DUOXA1: variants seen among roughly 807,000 people sequenced by gnomAD.
DUOXA1 encodes the protein dual oxidase activator 1.
A neutral mutation model predicts 26.6 loss-of-function variants in DUOXA1; 19 were observed. The ratio of observed to expected loss-of-function variants is 0.71; its 90% CI spans 0.50 to 1.05. The LOEUF (loss-of-function observed/expected upper bound fraction) is 1.05. DUOXA1 is among the 50% of genes least tolerant of loss of function. The pLI, the probability that DUOXA1 is intolerant of heterozygous loss-of-function variation, is 0.00. For synonymous variants in DUOXA1, 166 were observed against 177.0 expected, an observed-to-expected ratio of 0.94 and a Z score of 0.49; for missense variants, 403 against 427.5, an observed-to-expected ratio of 0.94 and a Z score of 0.51.
rs1000747176 is a variant in DUOXA1, at chr15:45,120,505, C to A, written c.554+87G>T. ...TGCCAGGCCACCCCACCTGAGATAC[C>A]CACATGAGTGGAGGAGAGATGGGTA... is the stretch of plus-strand genomic sequence containing the variant. On this transcript the variant is annotated intron_variant, in intron 7 of 8. Coordinates refer to ENST00000560572, the MANE Select transcript of DUOXA1 (RefSeq NM_001276266.2). 5.3e-6 allele frequency: 8 copies of A among 1,518,936 alleles called. No individual in the cohort carries two copies. In the African/African-American group the frequency reaches 8.2e-5, roughly 16 times the overall value. 94.1% of individuals were successfully genotyped at this position (1,518,936 alleles called of 1,614,324 possible).
chr15:45,120,905 C>A, intron 6 of DUOXA1, 100 bp from the exon 7 acceptor site: 2 of 1,504,150 alleles, frequency 1.3e-6, no homozygotes, highest in South Asian at 1.2e-5. Flanking sequence ...GAAGTGGTCT[C>A]AACTGAGAGA....
chr15:45,128,522 C>T (rs758021685), intron 3 of DUOXA1, among the ~76,000 whole-genome samples: 24 of 152,176 alleles, frequency 1.6e-4, no homozygotes, highest in Non-Finnish European at 3.1e-4. Flanking sequence ...CTAAGGGGAC[C>T]CTGTCAGGAA....
chr15:45,118,836 G>A lies in DUOXA1; in HGVS notation c.*270C>T. ...AGGCAAGGCAGCACGGAAAGGCTGG[G>A]TTGCTGTGCAGATAAGCTAGCCCCT... On this transcript the variant is annotated 3_prime_UTR_variant, in exon 9 of 9. Coordinates refer to ENST00000560572, the MANE Select transcript of DUOXA1 (RefSeq NM_001276266.2). 8.5e-7 allele frequency: 1 copy of A among 1,176,208 alleles called. No individual in the cohort carries two copies. Among genetic ancestry groups the A allele is most frequent in the South Asian group, 3.7e-5 (1 of 26,776 alleles). 72.9% of individuals were successfully genotyped at this position (1,176,208 alleles called of 1,614,324 possible).
At chr15:45,124,657 G>A (rs114842389) in intron 3 of DUOXA1, among the ~76,000 whole-genome samples, 9,011 of 152,032 alleles carry the variant, frequency 0.059, 941 homozygotes, top group African/African-American at 0.21. Flanking sequence ...TTACAAGTGC[G>A]GGTCATCACA....
intron 3 of DUOXA1, 112 bp from the exon 4 acceptor site, chr15:45,123,155 TC>T (rs1238165362): frequency 9.2e-7 from 1 of 1,091,022 alleles, no homozygotes; most frequent in Non-Finnish European, 1.2e-6. Context: ...TCTCTGGAGC[TC>T]ACATTTTGTG....
intron 3 of DUOXA1, among the ~76,000 whole-genome samples, chr15:45,124,701 C>T (rs879536558): frequency 2.6e-5 from 4 of 151,920 alleles, no homozygotes; most frequent in Non-Finnish European, 5.9e-5. Flanking sequence ...TTAGCAGAGA[C>T]GGGATTTCAC....
Position 45,118,067 on chromosome 15 carries a change from G to A in DUOXA1, c.*1039C>T. 1 of 1,550,792 alleles carries A rather than the reference G, an allele frequency of 6.4e-7. No homozygotes were observed. Among genetic ancestry groups the A allele is most frequent in the Non-Finnish European group, 8.7e-7 (1 of 1,150,498 alleles). ...GGCACCAGGGAAAGTCTCCTGGGGC[G>A]ATCTGTAAATAAACCTTTTTTTCTT... On this transcript the variant is annotated 3_prime_UTR_variant, in exon 9 of 9. Transcript: ENST00000560572.
intron 3 of DUOXA1, among the ~76,000 whole-genome samples, chr15:45,125,408 C>A (rs1419379532): frequency 6.6e-6 from 1 of 152,060 alleles, no homozygotes; most frequent in Non-Finnish European, 1.5e-5. Context: ...AAAAAAGAAC[C>A]TTCTCCCTTG....
chr15:45,126,285 T>C (rs1895672813), intron 3 of DUOXA1, among the ~76,000 whole-genome samples: 1 of 152,230 alleles, frequency 6.6e-6, no homozygotes, highest in Non-Finnish European at 1.5e-5. Flanking sequence ...GTTCCACCTA[T>C]ACTGTCTCCA....
In DUOXA1 at chr15:45,118,278, C is replaced by G. The variant is rs1204014193; in HGVS notation, c.*828G>C. ...CTCTAGTGAGGCCGGAGGGACCCTA[C>G]CAGAGCTAGCATCTTTCTGAACCAC... On this transcript the variant is annotated 3_prime_UTR_variant, in exon 9 of 9. Transcript: ENST00000560572. 8 of 1,358,074 alleles carry G rather than the reference C, an allele frequency of 5.9e-6. No homozygotes were observed. Among genetic ancestry groups the G allele is most frequent in the Non-Finnish European group, 7.5e-6 (8 of 1,060,682 alleles). 84.1% of individuals were successfully genotyped at this position (1,358,074 alleles called of 1,614,324 possible). A position where few individuals can be genotyped will look rare whatever the true frequency, so the allele number is the denominator to read the frequency against.
Position 45,117,852 on chromosome 15 carries a change from C to T in DUOXA1, c.*1254G>A, listed in dbSNP as rs748779878. The T allele has an allele frequency of 6.2e-7, 1 of 1,613,720 alleles. No homozygotes were observed. The highest frequency in any genetic ancestry group is 8.5e-7 in the Non-Finnish European group (1 of 1,180,040). Reference sequence around the variant, plus strand: ...GGGGCTCACCTCTTATCCTCGGCGACCCACTGCACAAGCAGGCCGCTCTCC... The same window carrying T: ...GGGGCTCACCTCTTATCCTCGGCGATCCACTGCACAAGCAGGCCGCTCTCC... On this transcript the variant is annotated 3_prime_UTR_variant, in exon 9 of 9. Coordinates refer to ENST00000560572, the MANE Select transcript of DUOXA1 (RefSeq NM_001276266.2).
At chr15:45,122,847 C>T (rs758618600) in intron 4 of DUOXA1, 21 bp downstream of exon 4, 1 of 1,598,746 alleles carries the variant, frequency 6.3e-7, no homozygotes, top group Non-Finnish European at 8.5e-7. Context: ...GGGCTGGGGT[C>T]TCCAGGACTG....
At chr15:45,127,311 T>C (rs912378119) in intron 3 of DUOXA1, among the ~76,000 whole-genome samples, 1 of 152,230 alleles carries the variant, frequency 6.6e-6, no homozygotes, top group Admixed American at 6.5e-5. Flanking sequence ...TGCATTTATT[T>C]TAAAGGGAGG....
At chr15:45,125,721 T>G (rs1895626573) in intron 3 of DUOXA1, among the ~76,000 whole-genome samples, 1 of 152,214 alleles carries the variant, frequency 6.6e-6, no homozygotes, top group South Asian at 2.1e-4. Context: ...CTCCTGCTTT[T>G]GGCCATCTCT....
intron 3 of DUOXA1, among the ~76,000 whole-genome samples, chr15:45,125,675 C>T (rs1895622690): frequency 6.6e-6 from 1 of 152,154 alleles, no homozygotes; most frequent in Non-Finnish European, 1.5e-5. Context: ...CAAACTTTAC[C>T]TCCTTACACT....
At position 45,123,041 on chromosome 15, in the gene DUOXA1, A is replaced by G. The variant is rs1231856606; in HGVS notation, c.-27T>C. On this transcript the variant is annotated splice_region_variant and 5_prime_UTR_variant, in exon 4 of 9. Coordinates refer to ENST00000560572, the MANE Select transcript of DUOXA1 (RefSeq NM_001276266.2). ...TTGGTGAGGTGGTGCAGGGGGGGCA[A>G]TGCTGTACAACAACAATAGACATTT... is the stretch of plus-strand genomic sequence containing the variant. 16 of 1,591,672 alleles carry G rather than the reference A, an allele frequency of 1.0e-5. No individual in the cohort carries two copies. Among genetic ancestry groups the G allele is most frequent in the Non-Finnish European group, 1.4e-5 (16 of 1,168,578 alleles).
rs779552227 is a variant in DUOXA1 at position 45,122,885 on chromosome 15, C to G, written c.130G>C (p.Gly44Arg). 1 of 1,610,170 alleles carries G rather than the reference C, an allele frequency of 6.2e-7. No homozygotes were observed. The highest frequency in any genetic ancestry group is 1.7e-5 in the Admixed American group (1 of 59,754). The change falls in exon 4 of 9, where the codon GGC becomes CGC. Residue 44 changes from glycine to arginine, a missense_variant. By Grantham distance (125) the Gly-to-Arg change is moderately radical. Transcript: ENST00000560572. The part of the protein sequence containing the change: ...ALATFIVILP[G>R]IRGKTRLFWL... Reference sequence around the variant, plus strand: ...TTTCTCACCGTCTTTCCCCGAATGCCAGGCAGGATGACGATGAACGTGGCC... The same window carrying G: ...TTTCTCACCGTCTTTCCCCGAATGCGAGGCAGGATGACGATGAACGTGGCC...
chr15:45,118,039 G>A lies in DUOXA1; in HGVS notation c.*1067C>T, dbSNP rs539303798. The A allele has an allele frequency of 2.9e-5, 47 of 1,594,384 alleles. No individual in the cohort carries two copies. The highest frequency in any genetic ancestry group is 1.7e-4 in the Middle Eastern group (1 of 5,966). On this transcript the variant is annotated 3_prime_UTR_variant, in exon 9 of 9. Transcript: ENST00000560572. ...TGCTGGCGCGAGGCCTCGGACATCC[G>A]CAGGCACCAGGGAAAGTCTCCTGGG...
In DUOXA1 at chr15:45,118,169, G is replaced by T; in HGVS notation, c.*937C>A. 7.0e-7 allele frequency: 1 copy of T among 1,436,332 alleles called. No individual in the cohort carries two copies. Among genetic ancestry groups the T allele is most frequent in the South Asian group, 1.5e-5 (1 of 66,866 alleles). 89.0% of individuals were successfully genotyped at this position (1,436,332 alleles called of 1,614,324 possible). A position where few individuals can be genotyped will look rare whatever the true frequency, so the allele number is the denominator to read the frequency against. ...GGGGTCGCACGTCCTCATGAGCTTC[G>T]CTGGGCTGGAGACAGCCTAGTACAC... On this transcript the variant is annotated 3_prime_UTR_variant, in exon 9 of 9. Transcript: ENST00000560572.
Sources: gnomAD v4.1 joint callset for allele counts (sites outside exome capture counted in the v4.1 genomes callset) on GRCh38, gnomAD v4.1.1 for gene constraint, MANE v1.5 for transcripts, NCBI Gene and HGNC (gene_info 2026-07-23, HGNC 2026-07-21) for gene names.